Variants in PTGR3 observed in about 807,000 individuals in gnomAD.
The protein encoded by PTGR3 is prostaglandin reductase 3, also known as zinc binding alcohol dehydrogenase domain containing 2.
chr18:75,201,163 A>G, the PTGR3 span: 2 of 483,326 alleles, frequency 4.1e-6, no homozygotes, highest in Non-Finnish European at 7.3e-6. Context: ...GAACGAGACC[A>G]TCCATGACTA....
chr18:75,201,803 C>A, the PTGR3 span: 35 of 1,614,036 alleles, frequency 2.2e-5, no homozygotes, highest in Non-Finnish European at 2.8e-5. Flanking sequence ...ACATGGCTCC[C>A]CCAACAGATT....
At chr18:75,206,729 G>C in the PTGR3 span, among the ~76,000 whole-genome samples, 42 of 152,210 alleles carry the variant, frequency 2.8e-4, no homozygotes, top group Admixed American at 6.5e-5. Flanking sequence ...GAAACTAGGG[G>C]TTAGGTTGTT....
the PTGR3 span, chr18:75,196,289 GCTC>G: frequency 1.3e-5 from 2 of 152,132 alleles, no homozygotes; most frequent in African/African-American, 4.8e-5. Context: ...GATAGATAGT[GCTC>G]CTCAAGGGAA....
At chr18:75,206,314 C>A in the PTGR3 span, among the ~76,000 whole-genome samples, 2 of 152,180 alleles carry the variant, frequency 1.3e-5, no homozygotes, top group African/African-American at 2.4e-5. Context: ...ATGAAATGTG[C>A]AAATTGTTCA....
the PTGR3 span, chr18:75,201,745 T>C: frequency 3.1e-6 from 5 of 1,614,198 alleles, no homozygotes; most frequent in South Asian, 1.1e-5. Flanking sequence ...ATAAACCCTA[T>C]TACTATCAAG....
At chr18:75,201,673 G>C in the PTGR3 span, 1 of 1,614,190 alleles carries the variant, frequency 6.2e-7, no homozygotes, top group Non-Finnish European at 8.5e-7. Context: ...TTCTTGAGCA[G>C]TTTGGCTGGC....
the PTGR3 span, chr18:75,208,967 T>G: frequency 6.3e-7 from 1 of 1,595,358 alleles, no homozygotes; most frequent in Non-Finnish European, 8.5e-7. Flanking sequence ...CTGCATGGCT[T>G]GGGGAATGGC....
At chr18:75,198,824 T>G in the PTGR3 span, 1 of 152,356 alleles carries the variant, frequency 6.6e-6, no homozygotes, top group Admixed American at 6.5e-5. Context: ...GACTGACAAT[T>G]GCCCTGAATT....
the PTGR3 span, among the ~76,000 whole-genome samples, chr18:75,207,293 T>A: frequency 6.6e-6 from 1 of 152,238 alleles, no homozygotes; most frequent in Non-Finnish European, 1.5e-5. Flanking sequence ...TACTAGTGTT[T>A]GCAATCAAGA....
At chr18:75,207,898 A>G in the PTGR3 span, among the ~76,000 whole-genome samples, 6 of 152,212 alleles carry the variant, frequency 3.9e-5, no homozygotes, top group Non-Finnish European at 7.3e-5. Flanking sequence ...TCAACTTGAC[A>G]CATGCAGCAC....
the PTGR3 span, chr18:75,195,212 T>A: frequency 2.0e-5 from 3 of 152,252 alleles, no homozygotes; most frequent in African/African-American, 7.2e-5. Flanking sequence ...ATTAATTCCA[T>A]TGAGGCTAAT....
chr18:75,197,991 G>A, the PTGR3 span: 19 of 152,000 alleles, frequency 1.3e-4, no homozygotes, highest in African/African-American at 4.3e-4. Flanking sequence ...TGTCCACATG[G>A]TAAAGTAATC....
chr18:75,204,174 C>A, the PTGR3 span, among the ~76,000 whole-genome samples: 1 of 152,256 alleles, frequency 6.6e-6, no homozygotes, highest in Non-Finnish European at 1.5e-5. Context: ...GACACCCGGG[C>A]GGCCAGCCCC....
At chr18:75,207,290 G>A in the PTGR3 span, among the ~76,000 whole-genome samples, 4 of 152,176 alleles carry the variant, frequency 2.6e-5, no homozygotes, top group African/African-American at 9.7e-5. Context: ...TTATACTAGT[G>A]TTTGCAATCA....
At chr18:75,196,766 G>C in the PTGR3 span, 1 of 151,754 alleles carries the variant, frequency 6.6e-6, no homozygotes, top group Non-Finnish European at 1.5e-5. Context: ...CATGCTTCCT[G>C]AGGACAGTCA....
chr18:75,198,477 A>G, the PTGR3 span: 1 of 152,158 alleles, frequency 6.6e-6, no homozygotes, highest in Non-Finnish European at 1.5e-5. Context: ...TATAGAATAT[A>G]TCATGCAAAA....
chr18:75,208,562 G>T, the PTGR3 span: 1 of 1,084,902 alleles, frequency 9.2e-7, no homozygotes, highest in Non-Finnish European at 1.1e-6. Context: ...AGCGGGAGGG[G>T]GAGGAGGGAG....
the PTGR3 span, chr18:75,208,367 G>A: frequency 1.5e-5 from 15 of 987,244 alleles, no homozygotes; most frequent in African/African-American, 1.7e-5. Flanking sequence ...CAACCTGGAG[G>A]GAACAGGGAA....
the PTGR3 span, chr18:75,209,079 C>T: frequency 1.3e-6 from 2 of 1,486,628 alleles, no homozygotes; most frequent in Non-Finnish European, 1.8e-6. The surrounding 1 kb of genome is among the most constrained non-coding windows in gnomAD (Gnocchi z 4.7). Flanking sequence ...TCCGCCCGCT[C>T]TCTGCGCCGA....
Sources: gnomAD v4.1 joint callset for allele counts (sites outside exome capture counted in the v4.1 genomes callset) on GRCh38, gnomAD v4.1.1 for gene constraint, Gnocchi (gnomAD v3.1) non-coding constraint, MANE v1.5 for transcripts, NCBI Gene and HGNC (gene_info 2026-07-23, HGNC 2026-07-21) for gene names.